CRYBG1: variants seen among roughly 807,000 people sequenced by gnomAD.
The protein encoded by CRYBG1 is crystallin beta-gamma domain containing 1, also known as beta/gamma crystallin domain-containing protein 1.
A neutral mutation model predicts 189.2 loss-of-function variants in CRYBG1; 139 were observed. The observed-to-expected ratio is 0.73, with a 90% CI of 0.64 to 0.85. CRYBG1 has a LOEUF of 0.85. Ranked by LOEUF, CRYBG1 falls within the 40% of genes least tolerant of loss-of-function variation. CRYBG1 has a pLI of 0.00. For missense variants in CRYBG1, 2,611 were observed against 2,675.8 expected, an observed-to-expected ratio of 0.98 and a Z score of 0.53; for synonymous variants, 1,023 against 1,017.1, an observed-to-expected ratio of 1.01 and a Z score of -0.11.
At chr6:106,496,938 G>C (rs949733958) in intron 2 of CRYBG1, among the ~76,000 whole-genome samples, 4 of 152,206 alleles carry the variant, frequency 2.6e-5, no homozygotes, top group African/African-American at 9.7e-5. Context: ...GCACAGGCTT[G>C]TCCACCCCAA....
chr6:106,564,971 C>T (rs1206625446), intron 21 of CRYBG1, among the ~76,000 whole-genome samples: 2 of 151,988 alleles, frequency 1.3e-5, no homozygotes, highest in Non-Finnish European at 2.9e-5. Context: ...TACAAAATGA[C>T]TCAATTTTAC....
intron 1 of CRYBG1, among the ~76,000 whole-genome samples, chr6:106,376,363 C>A (rs779979579): frequency 6.6e-6 from 1 of 152,164 alleles, no homozygotes; most frequent in Admixed American, 6.5e-5. Flanking sequence ...TGGATATTCT[C>A]TATTTGTTTT....
chr6:106,513,191 TAC>T, intron 3 of CRYBG1, 152 bp downstream of exon 3: 1 of 956,236 alleles, frequency 1.0e-6, no homozygotes, highest in Non-Finnish European at 1.5e-6. Flanking sequence ...AGGGCCAGTT[TAC>T]ACAGTCAAGA....
chr6:106,567,782 G>A (rs9480686), intron 21 of CRYBG1, among the ~76,000 whole-genome samples: 21,539 of 152,162 alleles, frequency 0.14, 1,749 homozygotes, highest in African/African-American at 0.21. Context: ...CATCCAGTAA[G>A]CACCTTTGGA....
At chr6:106,388,991 A>G (rs974135669) in intron 1 of CRYBG1, among the ~76,000 whole-genome samples, 2 of 152,230 alleles carry the variant, frequency 1.3e-5, no homozygotes, top group Non-Finnish European at 1.5e-5. Context: ...GCATAAAGTC[A>G]GTACCATTTT....
intron 16 of CRYBG1, among the ~76,000 whole-genome samples, chr6:106,554,074 A>C (rs1248057949): frequency 6.6e-6 from 1 of 152,228 alleles, no homozygotes; most frequent in East Asian, 1.9e-4. Context: ...GGGCAAAGGC[A>C]ATGGGCTCAA....
chr6:106,560,207 A>G (rs1019555426), intron 18 of CRYBG1, among the ~76,000 whole-genome samples: 1 of 151,780 alleles, frequency 6.6e-6, no homozygotes, highest in African/African-American at 2.4e-5. Context: ...TTTATCCAGG[A>G]TTTAAGTTCC....
At chr6:106,505,389 C>A (rs563917808) in intron 2 of CRYBG1, among the ~76,000 whole-genome samples, 14 of 152,090 alleles carry the variant, frequency 9.2e-5, no homozygotes, top group African/African-American at 3.4e-4. Context: ...CCACCGCACC[C>A]GGCCCAATTT....
intron 2 of CRYBG1, among the ~76,000 whole-genome samples, chr6:106,499,415 C>T (rs1459178751): frequency 6.6e-6 from 1 of 151,360 alleles, no homozygotes; most frequent in Non-Finnish European, 1.5e-5. Context: ...CTGCCTCAGC[C>T]TCCCAAAGTG....
intron 2 of CRYBG1, among the ~76,000 whole-genome samples, chr6:106,458,023 G>T (rs1216508032): frequency 1.3e-5 from 2 of 152,198 alleles, no homozygotes; most frequent in Non-Finnish European, 1.5e-5. Flanking sequence ...AAGGGTGGGG[G>T]AAATAAATGT....
chr6:106,447,113 T>C (rs1293187350), intron 1 of CRYBG1, among the ~76,000 whole-genome samples: 1 of 152,200 alleles, frequency 6.6e-6, no homozygotes. Flanking sequence ...TAAATTATCC[T>C]CTGCTAAGAC....
chr6:106,482,812 G>T (rs1772498818), intron 2 of CRYBG1, among the ~76,000 whole-genome samples: 1 of 151,814 alleles, frequency 6.6e-6, no homozygotes, highest in South Asian at 2.1e-4. Flanking sequence ...AATAAAAAAA[G>T]AATTCTTCCT....
intron 2 of CRYBG1, among the ~76,000 whole-genome samples, chr6:106,507,292 A>G (rs1773152521): frequency 6.6e-6 from 1 of 152,246 alleles, no homozygotes; most frequent in South Asian, 2.1e-4. Context: ...TCCCAGTTGG[A>G]CATGGATGAT....
intron 2 of CRYBG1, among the ~76,000 whole-genome samples, chr6:106,494,528 A>AT (rs1354599115): frequency 6.6e-6 from 1 of 152,236 alleles, no homozygotes; most frequent in African/African-American, 2.4e-5. Flanking sequence ...AGAGGAGAAC[A>AT]TTTTTTCTTG....
intron 1 of CRYBG1, among the ~76,000 whole-genome samples, chr6:106,397,931 CA>C (rs1243912890): frequency 6.6e-6 from 1 of 152,148 alleles, no homozygotes; most frequent in Non-Finnish European, 1.5e-5. Flanking sequence ...ATCTCTGTAT[CA>C]AATTTATATG....
chr6:106,448,859 A>G (rs1205516560), intron 1 of CRYBG1, among the ~76,000 whole-genome samples: 1 of 152,192 alleles, frequency 6.6e-6, no homozygotes, highest in Non-Finnish European at 1.5e-5. Context: ...TATGAAAAGA[A>G]GCCTGCTAGG....
chr6:106,552,541 C>CTGGAGT lies in CRYBG1; in HGVS notation c.5472+325_5472+326insTGGAGT, dbSNP rs1774429537. On this transcript the variant is annotated intron_variant, in intron 15 of 21. Transcript: ENST00000633556. ...GGCAGATGTTGGAGTGAGCCGAGATCGCACCACTGCACTCCAGCCTGAGTG... is the reference window on the plus strand; with the variant it reads ...GGCAGATGTTGGAGTGAGCCGAGATCTGGAGTGCACCACTGCACTCCAGCCTGAGTG... 3.2e-5 allele frequency among the ~76,000 whole-genome samples: 4 copies of CTGGAGT among 124,006 alleles called. No homozygotes were observed. In the South Asian group the frequency reaches 1.1e-3, roughly 34 times the overall value. The allele number at this position is 124,006 out of a possible 152,430, so 81.4% of individuals were successfully genotyped here. A position where few individuals can be genotyped will look rare whatever the true frequency, so the allele number is the denominator to read the frequency against.
chr6:106,415,990 C>G (rs561538256), intron 1 of CRYBG1, among the ~76,000 whole-genome samples: 2 of 152,228 alleles, frequency 1.3e-5, no homozygotes, highest in East Asian at 3.9e-4. Context: ...TTAGGGGAGC[C>G]CAATCAAGAA....
At chr6:106,508,198 G>T (rs891236473) in intron 2 of CRYBG1, among the ~76,000 whole-genome samples, 1 of 152,338 alleles carries the variant, frequency 6.6e-6, no homozygotes, top group African/African-American at 2.4e-5. Context: ...AGCTGTGATC[G>T]TGCCACTGCA....
Sources: allele counts gnomAD v4.1 joint callset (sites outside exome capture counted in the v4.1 genomes callset), GRCh38; gene constraint gnomAD v4.1.1; transcripts MANE v1.5; gene names NCBI Gene and HGNC (gene_info 2026-07-23, HGNC 2026-07-21).